TRPM3: variants seen among roughly 807,000 people sequenced by gnomAD.
The protein encoded by TRPM3 is transient receptor potential cation channel subfamily M member 3, also known as long transient receptor potential channel 3.
A neutral mutation model predicts 181.2 loss-of-function variants in TRPM3; 77 were observed. That is an observed-to-expected ratio of 0.42 (90% CI 0.35 to 0.51). TRPM3 has a LOEUF of 0.51. Among genes scored for constraint, TRPM3 ranks in the 20% least tolerant of loss-of-function variants. The pLI is 0.01. For missense variants in TRPM3, 1,759 were observed against 2,196.7 expected, an observed-to-expected ratio of 0.80 and a Z score of 3.98; for synonymous variants, 745 against 796.4, an observed-to-expected ratio of 0.94 and a Z score of 1.09.
intron 19 of TRPM3, among the ~76,000 whole-genome samples, chr9:70,606,647 GTGTGTA>G (rs899276731): frequency 3.5e-5 from 3 of 85,218 alleles, no homozygotes; most frequent in African/African-American, 1.0e-4. Flanking sequence ...GTGTGTGTGT[GTGTGTA>G]TATATATATA....
At chr9:70,859,140 G>A (rs938296256) in intron 3 of TRPM3, among the ~76,000 whole-genome samples, 2 of 152,138 alleles carry the variant, frequency 1.3e-5, no homozygotes, top group African/African-American at 2.4e-5. Flanking sequence ...GCCAGCCATC[G>A]GAAGGGAGGA....
At chr9:70,927,221 T>C (rs1301456018) in intron 1 of TRPM3, among the ~76,000 whole-genome samples, 2 of 152,232 alleles carry the variant, frequency 1.3e-5, no homozygotes, top group Non-Finnish European at 2.9e-5. Context: ...TGTTATCTTA[T>C]ATAGAAGGTT....
chr9:71,402,267 T>C (rs2093355259), intron 1 of TRPM3, among the ~76,000 whole-genome samples: 1 of 152,206 alleles, frequency 6.6e-6, no homozygotes, highest in Admixed American at 6.5e-5. Flanking sequence ...GCACAAAATC[T>C]TGCCTCTTTA....
chr9:70,670,253 A>C (rs552882260), intron 9 of TRPM3, among the ~76,000 whole-genome samples: 2 of 152,324 alleles, frequency 1.3e-5, no homozygotes, highest in African/African-American at 4.8e-5. Context: ...ATGCCGAAGA[A>C]AGTGCCAGTT....
intron 1 of TRPM3, among the ~76,000 whole-genome samples, chr9:71,181,918 C>T (rs2077426949): frequency 6.6e-6 from 1 of 152,050 alleles, no homozygotes; most frequent in South Asian, 2.1e-4. Context: ...ACACAAATTC[C>T]TGGGCCACTC....
chr9:70,898,338 G>A (rs1227305163), intron 1 of TRPM3, among the ~76,000 whole-genome samples: 5 of 151,232 alleles, frequency 3.3e-5, no homozygotes, highest in Admixed American at 1.3e-4. Context: ...TAGCCAGGAT[G>A]GTCTCGATCT....
chr9:70,659,590 G>A (rs1476083596), intron 9 of TRPM3, among the ~76,000 whole-genome samples: 1 of 152,098 alleles, frequency 6.6e-6, no homozygotes, highest in African/African-American at 2.4e-5. Context: ...TGTGTCTTTA[G>A]TAAAAATAGG....
Position 71,419,378 on chromosome 9 carries a change from G to T in TRPM3, c.183+27275C>A, listed in dbSNP as rs2093691458. Among the ~76,000 whole-genome samples the T allele has an allele frequency of 2.6e-5, 4 of 151,986 alleles. No individual in the cohort carries two copies. In the South Asian group the frequency reaches 8.3e-4, roughly 32 times the overall value. The stretch of plus-strand genomic sequence containing the variant: ...TCAAGACTGAGAAATTTATTCAAAT[G>T]CGCAGAAGATACCACATTTTCTAGT... On this transcript the variant is annotated intron_variant, in intron 1 of 24. Transcript: ENST00000357533.
intron 1 of TRPM3, among the ~76,000 whole-genome samples, chr9:71,316,167 A>G (rs916036890): frequency 6.6e-6 from 1 of 152,224 alleles, no homozygotes; most frequent in East Asian, 1.9e-4. Context: ...GGATTGCTCT[A>G]TGTGCAAAGT....
chr9:71,329,155 A>G, intron 1 of TRPM3, among the ~76,000 whole-genome samples: 1 of 152,248 alleles, frequency 6.6e-6, no homozygotes, highest in East Asian at 1.9e-4. Flanking sequence ...TGGGCTTTGC[A>G]GCACACATAA....
intron 1 of TRPM3, among the ~76,000 whole-genome samples, chr9:71,443,952 G>A (rs957929814): frequency 5.3e-5 from 8 of 152,022 alleles, no homozygotes; most frequent in East Asian, 3.9e-4. Context: ...AGGCCAAGGC[G>A]GGCAGATCAC....
chr9:70,963,479 A>C (rs892228046), intron 1 of TRPM3, among the ~76,000 whole-genome samples: 1 of 152,130 alleles, frequency 6.6e-6, no homozygotes, highest in Non-Finnish European at 1.5e-5. Context: ...AGAGAGGACT[A>C]GAGATTGGAG....
At chr9:70,796,690 A>T (rs1299322641) in intron 6 of TRPM3, among the ~76,000 whole-genome samples, 1 of 152,272 alleles carries the variant, frequency 6.6e-6, no homozygotes, top group Non-Finnish European at 1.5e-5. Flanking sequence ...CATTAATTAC[A>T]TGAGTAATGA....
At chr9:70,887,721 A>G (rs751292459) in intron 1 of TRPM3, among the ~76,000 whole-genome samples, 1 of 152,134 alleles carries the variant, frequency 6.6e-6, no homozygotes, top group African/African-American at 2.4e-5. Context: ...GTGGGTTTCA[A>G]CATCTGTTTG....
At chr9:70,836,336 C>T (rs2094320384) in intron 5 of TRPM3, among the ~76,000 whole-genome samples, 1 of 152,062 alleles carries the variant, frequency 6.6e-6, no homozygotes, top group African/African-American at 2.4e-5. Context: ...GGAAAAATTC[C>T]CTCACACTGT....
At chr9:71,114,992 T>C (rs1300559256) in intron 1 of TRPM3, among the ~76,000 whole-genome samples, 1 of 152,200 alleles carries the variant, frequency 6.6e-6, no homozygotes, top group Non-Finnish European at 1.5e-5. Flanking sequence ...GAAAAACACT[T>C]CTTCAGATTC....
At position 70,691,187 on chromosome 9, in the gene TRPM3, G is replaced by T. The variant is rs568800162; in HGVS notation, c.1273-9609C>A. Among the ~76,000 whole-genome samples the T allele has an allele frequency of 1.2e-3, 190 of 152,242 alleles. 1 individual carries two copies. Among genetic ancestry groups the T allele is most frequent in the African/African-American group, 4.3e-3 (178 of 41,550 alleles). On this transcript the variant is annotated intron_variant, in intron 8 of 25. Coordinates refer to ENST00000677713, the MANE Select transcript of TRPM3 (RefSeq NM_001366145.2). ...TATAAATTAAATATTGATTTTTCGT[G>T]TAATATTTTTGAACAAGTCTCAAAG...
intron 1 of TRPM3, among the ~76,000 whole-genome samples, chr9:71,431,324 T>A (rs1198722853): frequency 6.6e-6 from 1 of 152,196 alleles, no homozygotes; most frequent in African/African-American, 2.4e-5. Flanking sequence ...AAAGGATAAG[T>A]AAATGTTTCA....
intron 1 of TRPM3, among the ~76,000 whole-genome samples, chr9:70,864,843 T>C (rs535812831): frequency 7.4e-4 from 112 of 152,134 alleles, no homozygotes; most frequent in African/African-American, 1.5e-3. Flanking sequence ...AGGGATAGAA[T>C]AGTATGTTTG....
Sources: allele counts gnomAD v4.1 joint callset (sites outside exome capture counted in the v4.1 genomes callset), GRCh38; gene constraint gnomAD v4.1.1; transcripts MANE v1.5; gene names NCBI Gene and HGNC (gene_info 2026-07-23, HGNC 2026-07-21).